Variants in IFT81 observed in about 807,000 individuals in gnomAD.
IFT81 encodes intraflagellar transport 81, also known as intraflagellar transport protein 81 homolog.
Under a neutral mutation model 102.6 loss-of-function variants are expected in IFT81, and 72 were observed. The ratio of observed to expected loss-of-function variants is 0.70; its 90% CI spans 0.58 to 0.85. IFT81 has a LOEUF of 0.85. Ranked by LOEUF, IFT81 falls within the 40% of genes least tolerant of loss-of-function variation. IFT81 has a pLI of 0.00. For synonymous variants in IFT81, 237 were observed against 242.7 expected, an observed-to-expected ratio of 0.98 and a Z score of 0.22; for missense variants, 723 against 787.3, an observed-to-expected ratio of 0.92 and a Z score of 0.98.
intron 14 of IFT81, among the ~76,000 whole-genome samples, chr12:110,197,685 C>T (rs543143370): frequency 1.6e-4 from 24 of 150,710 alleles, no homozygotes; most frequent in East Asian, 3.9e-4. Context: ...TGTTATCCTC[C>T]GGCATTTTTT....
At chr12:110,199,818 A>G (rs977500809) in intron 14 of IFT81, among the ~76,000 whole-genome samples, 4 of 152,152 alleles carry the variant, frequency 2.6e-5, no homozygotes, top group South Asian at 4.1e-4. Flanking sequence ...TCCTGTTTCT[A>G]AGGAAACCGT....
At chr12:110,148,531 A>G (rs1895349679) in intron 10 of IFT81, among the ~76,000 whole-genome samples, 1 of 151,168 alleles carries the variant, frequency 6.6e-6, no homozygotes. Flanking sequence ...GCTAGAGTGC[A>G]GTGGTGCGAT....
intron 8 of IFT81, among the ~76,000 whole-genome samples, chr12:110,137,349 A>G (rs555384879): frequency 3.3e-5 from 5 of 152,092 alleles, no homozygotes; most frequent in African/African-American, 1.2e-4. Context: ...TAACAGCAAC[A>G]ACAAACAATT....
At chr12:110,165,686 T>C (rs1896394246) in intron 11 of IFT81, among the ~76,000 whole-genome samples, 1 of 152,212 alleles carries the variant, frequency 6.6e-6, no homozygotes, top group Non-Finnish European at 1.5e-5. Context: ...TGAGTGATGC[T>C]CGAGGAGATT....
At chr12:110,186,505 ATTTG>A (rs1229206487) in intron 12 of IFT81, among the ~76,000 whole-genome samples, 2 of 147,124 alleles carry the variant, frequency 1.4e-5, no homozygotes, top group Non-Finnish European at 3.0e-5. Flanking sequence ...TTCTTTTTTT[ATTTG>A]TTTGTTTTTG....
chr12:110,148,314 G>A (rs976116077), intron 10 of IFT81, among the ~76,000 whole-genome samples: 1 of 151,202 alleles, frequency 6.6e-6, no homozygotes, highest in African/African-American at 2.4e-5. Flanking sequence ...TTTTTTTTTG[G>A]CAAGAAAACT....
chr12:110,207,516 T>C (rs1868797406), intron 17 of IFT81, among the ~76,000 whole-genome samples: 1 of 151,530 alleles, frequency 6.6e-6, no homozygotes, highest in Non-Finnish European at 1.5e-5. Flanking sequence ...AAAAACAGTC[T>C]CTTCTTTGTT....
chr12:110,188,225 G>A (rs371852553), intron 12 of IFT81, among the ~76,000 whole-genome samples: 2 of 151,882 alleles, frequency 1.3e-5, no homozygotes, highest in Admixed American at 6.6e-5. Flanking sequence ...CCAGCTGCTC[G>A]GGAGGCTGAG....
chr12:110,215,823 T>C (rs1870045350), intron 18 of IFT81, among the ~76,000 whole-genome samples: 1 of 152,132 alleles, frequency 6.6e-6, no homozygotes, highest in South Asian at 2.1e-4. Context: ...AAGATTCTTT[T>C]ATTCCTGTTT....
intron 9 of IFT81, among the ~76,000 whole-genome samples, chr12:110,146,521 T>C (rs916775308): frequency 6.6e-6 from 1 of 152,224 alleles, no homozygotes; most frequent in Non-Finnish European, 1.5e-5. Context: ...TAAAATACTT[T>C]AGGATAATTT....
intron 14 of IFT81, among the ~76,000 whole-genome samples, chr12:110,199,307 A>T (rs1174469867): frequency 6.6e-6 from 1 of 152,148 alleles, no homozygotes; most frequent in Non-Finnish European, 1.5e-5. Context: ...GCTTTCATTA[A>T]CAGAGCTTTG....
chr12:110,190,558 T>G (rs1010266088), intron 12 of IFT81, among the ~76,000 whole-genome samples: 1 of 152,210 alleles, frequency 6.6e-6, no homozygotes, highest in Non-Finnish European at 1.5e-5. Flanking sequence ...AGAACTGTGA[T>G]TGGCACATTT....
At chr12:110,187,714 T>C (rs1363333921) in intron 12 of IFT81, among the ~76,000 whole-genome samples, 1 of 152,238 alleles carries the variant, frequency 6.6e-6, no homozygotes. Flanking sequence ...AATTTTTTTC[T>C]AGAAAGTTAC....
chr12:110,192,542 A>T, intron 13 of IFT81, 75 bp from the exon 14 acceptor site: 1 of 760,630 alleles, frequency 1.3e-6, no homozygotes, highest in Non-Finnish European at 2.2e-6. Flanking sequence ...CACTGAAATT[A>T]ATATCTTTAT....
intron 12 of IFT81, among the ~76,000 whole-genome samples, chr12:110,188,216 C>T (rs181285663): frequency 2.6e-4 from 39 of 151,860 alleles, no homozygotes; most frequent in African/African-American, 9.2e-4. Flanking sequence ...CCGGGAATCC[C>T]AGCTGCTCGG....
intron 15 of IFT81, chr12:110,204,183 G>A: frequency 2.6e-6 from 1 of 388,826 alleles, no homozygotes; most frequent in Non-Finnish European, 4.7e-6. Flanking sequence ...CTACATCAAT[G>A]TCAAAAGATT....
intron 11 of IFT81, among the ~76,000 whole-genome samples, chr12:110,170,129 AT>A (rs1408438611): frequency 6.6e-6 from 1 of 151,170 alleles, no homozygotes; most frequent in Non-Finnish European, 1.5e-5. Context: ...ATTTTTTTGT[AT>A]TTTTAGTAGA....
rs749558444 is a variant in IFT81, at chr12:110,191,094, G to T, written c.1467+46G>T. 3.3e-6 allele frequency: 5 copies of T among 1,535,778 alleles called. No homozygotes were observed. The Admixed American group carries it at 9.6e-5, about 30-fold the overall frequency. On this transcript the variant is annotated intron_variant, in intron 13 of 18. Coordinates refer to ENST00000242591, the MANE Select transcript of IFT81 (RefSeq NM_014055.4). ...ATTTTCTTTTATTGTGTAGCTAGAA[G>T]GCAGGTGTTTTGTGTTAGTTTTATT...
rs563894424 is a variant in IFT81, at chr12:110,166,954, C to T, written c.1188+3889C>T. Among the ~76,000 whole-genome samples the T allele has an allele frequency of 5.9e-5, 9 of 152,012 alleles. No individual in the cohort carries two copies. The East Asian group carries it at 9.7e-4, about 16-fold the overall frequency. On this transcript the variant is annotated intron_variant, in intron 11 of 18. Transcript: ENST00000242591. ...AATTTAGGAACATAATGTTAATTTG[C>T]GTAAATGTAACAAGTTCTAGACATA...
Sources: allele counts gnomAD v4.1 joint callset (sites outside exome capture counted in the v4.1 genomes callset), GRCh38; gene constraint gnomAD v4.1.1; transcripts MANE v1.5; gene names NCBI Gene and HGNC (gene_info 2026-07-23, HGNC 2026-07-21).